Variants in PCDHA2 observed in about 807,000 individuals in gnomAD.
The protein encoded by PCDHA2 is protocadherin alpha 2, also known as protocadherin alpha-2.
PCDHA2 carries 58 observed loss-of-function variants against 66.0 expected under a neutral mutation model. That is an observed-to-expected ratio of 0.88 (90% CI 0.71 to 1.09). PCDHA2 has a LOEUF of 1.09. Among genes scored for constraint, PCDHA2 ranks in the 50% least tolerant of loss-of-function variants. PCDHA2 has a pLI of 0.00. For missense variants in PCDHA2, 1,267 were observed against 1,242.3 expected, an observed-to-expected ratio of 1.02 and a Z score of -0.30; for synonymous variants, 634 against 554.0, an observed-to-expected ratio of 1.14 and a Z score of -2.03.
At chr5:140,979,894 C>G (rs1183667310) in intron 2 of PCDHA2, among the ~76,000 whole-genome samples, 2 of 152,206 alleles carry the variant, frequency 1.3e-5, no homozygotes, top group African/African-American at 4.8e-5. Context: ...ATTCACCAAA[C>G]TTAGATCAGT....
At chr5:140,928,277 C>A (rs2085098556) in intron 1 of PCDHA2, 2 of 1,614,156 alleles carry the variant, frequency 1.2e-6, no homozygotes, top group South Asian at 2.2e-5. Context: ...GGCCCTGGGG[C>A]CTCTCTAGGC....
intron 1 of PCDHA2, chr5:140,850,430 G>C (rs1346427061): frequency 1.9e-6 from 3 of 1,597,884 alleles, no homozygotes; most frequent in Non-Finnish European, 1.7e-6. Context: ...CACCGCGCCA[G>C]CGCCTACTGG....
rs377546082 is a variant in PCDHA2 at position 140,796,654 on chromosome 5, G to A, written c.1690G>A (p.Ala564Thr). 230 of 1,613,850 alleles carry A rather than the reference G, an allele frequency of 1.4e-4. No homozygotes were observed. The highest frequency in any genetic ancestry group is 1.7e-4 in the Non-Finnish European group (202 of 1,179,884). ...GCTGGACGAGAACGACAACGCGCCG[G>A]CACTGTTGGCGCCTAGGGCTGGCAC... ...FVLDENDNAP[A>T]LLAPRAGTAA... The change falls in exon 1 of 4, where the codon GCA becomes ACA. Residue 564 changes from alanine (A) to threonine (T), a missense_variant. Transcript: ENST00000526136.
chr5:140,856,112 G>A (rs782115498), intron 1 of PCDHA2: 1 of 1,598,078 alleles, frequency 6.3e-7, no homozygotes, highest in African/African-American at 1.3e-5. Flanking sequence ...TCTCCTCGCA[G>A]CCTGGGAGGT....
intron 1 of PCDHA2, chr5:140,850,409 C>G: frequency 6.3e-7 from 1 of 1,597,868 alleles, no homozygotes; most frequent in South Asian, 1.1e-5. Flanking sequence ...GTGCCCTGGA[C>G]GAAACGGACG....
chr5:140,921,486 G>A (rs782660925), intron 1 of PCDHA2, among the ~76,000 whole-genome samples: 1 of 152,128 alleles, frequency 6.6e-6, no homozygotes, highest in African/African-American at 2.4e-5. Flanking sequence ...CTCTACCTGA[G>A]ATTAGTTTAT....
intron 1 of PCDHA2, chr5:140,927,030 A>T: frequency 6.2e-7 from 1 of 1,612,410 alleles, no homozygotes; most frequent in Non-Finnish European, 8.5e-7. Flanking sequence ...TGAGGCTGCC[A>T]GCGGCCGCTA....
At chr5:140,886,772 G>A (rs910164045) in intron 1 of PCDHA2, among the ~76,000 whole-genome samples, 16 of 143,450 alleles carry the variant, frequency 1.1e-4, no homozygotes, top group Non-Finnish European at 1.8e-4. Flanking sequence ...GTTGCAGTGA[G>A]ATGAGATCAT....
intron 1 of PCDHA2, chr5:140,830,275 C>T: frequency 6.2e-7 from 1 of 1,613,816 alleles, no homozygotes; most frequent in Non-Finnish European, 8.5e-7. Context: ...CGCCACCCAC[C>T]GAGGGCGCGT....
chr5:140,831,511 GC>G (rs1191627812), intron 1 of PCDHA2, among the ~76,000 whole-genome samples: 5 of 130,898 alleles, frequency 3.8e-5, no homozygotes, highest in East Asian at 2.2e-4. Flanking sequence ...GCACCACCAT[GC>G]CCCCCACCTT....
chr5:140,927,204 G>A, intron 1 of PCDHA2: 1 of 1,614,112 alleles, frequency 6.2e-7, no homozygotes, highest in Non-Finnish European at 8.5e-7. Context: ...TCGAGGACCC[G>A]CTGGAGCTGC....
intron 1 of PCDHA2, among the ~76,000 whole-genome samples, chr5:140,900,435 G>A (rs1219799362): frequency 3.3e-5 from 5 of 152,088 alleles, no homozygotes; most frequent in African/African-American, 9.7e-5. Context: ...GTGCCACCAC[G>A]GCCGGCTAAT....
chr5:140,804,936 G>T, intron 1 of PCDHA2: 2 of 1,156,586 alleles, frequency 1.7e-6, no homozygotes, highest in South Asian at 2.0e-5. Context: ...ACTATCCTTT[G>T]TTGCTCCCTT....
chr5:140,883,915 G>A, intron 1 of PCDHA2: 1 of 1,613,348 alleles, frequency 6.2e-7, no homozygotes, highest in Non-Finnish European at 8.5e-7. Context: ...GCAGCAACGT[G>A]ACGCTGCAGG....
intron 1 of PCDHA2, chr5:140,842,447 G>A: frequency 6.2e-7 from 1 of 1,613,790 alleles, no homozygotes; most frequent in Non-Finnish European, 8.5e-7. Context: ...TAGCGTGAAC[G>A]ACCTCGATTC....
In PCDHA2 at chr5:141,010,555, C is replaced by CTG; in HGVS notation, c.*618_*619insTG. 2 of 321,156 alleles carry CTG rather than the reference C, an allele frequency of 6.2e-6. No homozygotes were observed. The highest frequency in any genetic ancestry group is 1.1e-4 in the South Asian group (2 of 18,704). 19.9% of individuals were successfully genotyped at this position (321,156 alleles called of 1,614,324 possible). On this transcript the variant is annotated 3_prime_UTR_variant, in exon 4 of 4. Coordinates refer to ENST00000526136, the MANE Select transcript of PCDHA2 (RefSeq NM_018905.3). ...ACCCTCTAGGAGACAAAACTACCCCCACTGACAAGGCTTTAGGAGACCCTA... is the reference window on the plus strand; with the variant it reads ...ACCCTCTAGGAGACAAAACTACCCCCTGACTGACAAGGCTTTAGGAGACCCTA...
In PCDHA2 at chr5:140,795,088, G is replaced by C. The variant is rs149618945; in HGVS notation, c.124G>C (p.Gly42Arg). The C allele has an allele frequency of 2.4e-5, 38 of 1,613,878 alleles. No homozygotes were observed. The highest frequency in any genetic ancestry group is 3.1e-5 in the Non-Finnish European group (37 of 1,180,048). The change falls in exon 1 of 4, where the codon GGC becomes CGC. Residue 42 changes from glycine to arginine, a missense_variant. Transcript: ENST00000526136. Reference sequence around the variant, plus strand: ...CTCCGTCCCCGAGGAGGCCAAACACGGCACCTTCGTGGGCCGCATCGCGCA... The same window carrying C: ...CTCCGTCCCCGAGGAGGCCAAACACCGCACCTTCGTGGGCCGCATCGCGCA... ...RYSVPEEAKH[G>R]TFVGRIAQDL...
At chr5:140,876,602 G>C (rs572945874) in intron 1 of PCDHA2, 2 of 1,614,180 alleles carry the variant, frequency 1.2e-6, no homozygotes, top group Non-Finnish European at 1.7e-6. Flanking sequence ...GTGTCGGATC[G>C]TGACTCTGGA....
At chr5:140,958,078 G>A (rs1447110228) in intron 1 of PCDHA2, among the ~76,000 whole-genome samples, 1 of 152,064 alleles carries the variant, frequency 6.6e-6, no homozygotes, top group Admixed American at 6.6e-5. Flanking sequence ...GAAGCAAAAA[G>A]TAAAGTTGTA....
Sources: gnomAD v4.1 joint callset for allele counts (sites outside exome capture counted in the v4.1 genomes callset) on GRCh38, gnomAD v4.1.1 for gene constraint, MANE v1.5 for transcripts, NCBI Gene and HGNC (gene_info 2026-07-23, HGNC 2026-07-21) for gene names.